The following CHM variants were observed in gnomAD, a reference collection of about 807,000 sequenced individuals.
CHM encodes CHM Rab escort protein.
CHM carries 10 observed loss-of-function variants against 49.0 expected under a neutral mutation model. The ratio of observed to expected loss-of-function variants is 0.20; its 90% CI spans 0.13 to 0.35. The LOEUF (loss-of-function observed/expected upper bound fraction) is 0.35. Among genes scored for constraint, CHM ranks in the 10% least tolerant of loss-of-function variants. The pLI is 1.00. For missense variants in CHM, 455 were observed against 478.4 expected (o/e 0.95, Z 0.46); for synonymous variants, 184 against 167.5 (o/e 1.10, Z -0.76).
At chrX:86,025,312 CTT>C (rs1000243508) in intron 2 of CHM, among the ~76,000 whole-genome samples, 1 of 111,596 alleles carries the variant, frequency 9.0e-6, no homozygotes, top group Non-Finnish European at 1.9e-5. Flanking sequence ...TTTAATCAAA[CTT>C]TATTTTTGGA....
rs1385157992 is a variant in CHM at position 85,891,341 on chromosome X, CT to C, written c.1510+2846del. Among the ~76,000 whole-genome samples, 4 of 112,037 alleles carry C rather than the reference CT, an allele frequency of 3.6e-5. No homozygotes were observed. The East Asian group carries it at 1.1e-3, about 32-fold the overall frequency. On this transcript the variant is annotated intron_variant, in intron 12 of 14. Coordinates refer to ENST00000357749, the MANE Select transcript of CHM (RefSeq NM_000390.4). ...AATGTCTCCAGGCCACGTCAGAGAC[CT>C]TCACTGCAGCCTCTCTCACCATAGG...
chrX:86,031,490 T>C (rs906753322), intron 1 of CHM, among the ~76,000 whole-genome samples: 4 of 112,160 alleles, frequency 3.6e-5, no homozygotes, highest in African/African-American at 1.3e-4. Context: ...AAAACTGTAG[T>C]CAAAGCAAGG....
chrX:85,973,553 A>G (rs1931086971), intron 4 of CHM, among the ~76,000 whole-genome samples: 1 of 111,108 alleles, frequency 9.0e-6, no homozygotes, highest in Admixed American at 9.6e-5. Context: ...ACTTATATCT[A>G]TTTACTTGCT....
chrX:86,015,216 G>A (rs1325794321), intron 2 of CHM, among the ~76,000 whole-genome samples: 1 of 110,892 alleles, frequency 9.0e-6, no homozygotes, highest in Non-Finnish European at 1.9e-5. Flanking sequence ...TTTTACCCGT[G>A]CTGTCCTTGT....
Position 85,885,770 on chromosome X carries a change from G to C in CHM, c.1511-6707C>G, listed in dbSNP as rs769113538. ...TCATTATTACAGCATCAAGTTTTAG[G>C]GCAAGGGAAGGCACTTGGTTCCACT... On this transcript the variant is annotated intron_variant, in intron 12 of 14. Transcript: ENST00000357749. Among the ~76,000 whole-genome samples, 4 of 110,363 alleles carry C rather than the reference G, an allele frequency of 3.6e-5. No individual in the cohort carries two copies. The East Asian group carries it at 1.1e-3, about 31-fold the overall frequency.
chrX:85,901,093 A>T lies in CHM; in HGVS notation c.1340T>A (p.Val447Glu). Residue 447 changes from valine (V) to glutamate (E), a missense_variant, in exon 10 of 15, where the codon GTG becomes GAG. Coordinates refer to ENST00000357749, the MANE Select transcript of CHM (RefSeq NM_000390.4). Reference sequence around the variant, plus strand: ...GTGGAGGGGGCCTTACCTGTATTGCACACGTGAGCACATGTTCTCAGGAAA... The same window carrying T: ...GTGGAGGGGGCCTTACCTGTATTGCTCACGTGAGCACATGTTCTCAGGAAA... ...SYFPENMCSR[V>E]QYRQISRAVL... 8.4e-7 allele frequency: 1 copy of T among 1,195,752 alleles called. No individual in the cohort carries two copies. Among genetic ancestry groups the T allele is most frequent in the Non-Finnish European group, 1.1e-6 (1 of 882,737 alleles).
intron 2 of CHM, among the ~76,000 whole-genome samples, chrX:86,004,806 T>C (rs919224590): frequency 5.4e-5 from 6 of 111,001 alleles, no homozygotes; most frequent in African/African-American, 2.0e-4. Context: ...TCCCACACAA[T>C]AATAATGGGA....
At chrX:85,908,257 C>T (rs1603246960) in intron 9 of CHM, among the ~76,000 whole-genome samples, 1 of 111,406 alleles carries the variant, frequency 9.0e-6, no homozygotes. Context: ...AAGGTTTTTC[C>T]CTCAAAAAAC....
chrX:85,878,717 T>C (rs1924569397), intron 13 of CHM, among the ~76,000 whole-genome samples: 1 of 111,481 alleles, frequency 9.0e-6, no homozygotes, highest in South Asian at 3.7e-4. Flanking sequence ...CATATAAATG[T>C]ATATTTTTGT....
At chrX:86,003,336 A>G (rs922349586) in intron 2 of CHM, among the ~76,000 whole-genome samples, 16 of 112,467 alleles carry the variant, frequency 1.4e-4, no homozygotes, top group African/African-American at 5.2e-4. Context: ...AATTCTAAAA[A>G]TAACAGTGCC....
At chrX:85,885,967 T>G (rs919024444) in intron 12 of CHM, among the ~76,000 whole-genome samples, 2 of 111,755 alleles carry the variant, frequency 1.8e-5, no homozygotes, top group Non-Finnish European at 3.8e-5. Flanking sequence ...CATTTAAAAT[T>G]TATTCTTCTT....
intron 2 of CHM, among the ~76,000 whole-genome samples, chrX:86,020,773 T>C (rs1387699173): frequency 1.9e-5 from 2 of 103,475 alleles, no homozygotes; most frequent in African/African-American, 6.9e-5. Flanking sequence ...TTCATTCACC[T>C]GTAGCGGCAG....
chrX:85,868,483 C>T (rs975945012), intron 14 of CHM, among the ~76,000 whole-genome samples: 1 of 111,644 alleles, frequency 9.0e-6, no homozygotes, highest in African/African-American at 3.3e-5. Flanking sequence ...CTCATACTTC[C>T]GTTCCCCTAA....
intron 2 of CHM, among the ~76,000 whole-genome samples, chrX:86,000,560 C>T (rs1932665997): frequency 9.8e-6 from 1 of 102,503 alleles, no homozygotes; most frequent in Non-Finnish European, 2.0e-5. Flanking sequence ...CAAAGAACTG[C>T]AGCACTACTC....
At chrX:86,047,329 A>G in intron 1 of CHM, 155 bp downstream of exon 1, 1 of 534,017 alleles carries the variant, frequency 1.9e-6, no homozygotes, top group South Asian at 2.5e-5. Flanking sequence ...TGTAACTGCC[A>G]ACTCCCGCGC....
At chrX:85,949,283 A>AT (rs1929595755) in intron 8 of CHM, among the ~76,000 whole-genome samples, 1 of 112,423 alleles carries the variant, frequency 8.9e-6, no homozygotes, top group African/African-American at 3.2e-5. Context: ...CAAAAGAAAT[A>AT]AAAACAAAAT....
At chrX:85,974,251 T>C (rs1931122926) in intron 4 of CHM, among the ~76,000 whole-genome samples, 1 of 111,936 alleles carries the variant, frequency 8.9e-6, no homozygotes, top group African/African-American at 3.2e-5. Flanking sequence ...AAATCAAAGA[T>C]GAGCTTCATA....
At position 86,047,533 on chromosome X, in the gene CHM, C is replaced by T; in HGVS notation, c.-1G>A. 3 of 1,203,616 alleles carry T rather than the reference C, an allele frequency of 2.5e-6. No individual in the cohort carries two copies. The highest frequency in any genetic ancestry group is 3.4e-6 in the Non-Finnish European group (3 of 889,936). On this transcript the variant is annotated 5_prime_UTR_variant, in exon 1 of 15. Transcript: ENST00000357749. ...ACTCCGAAGGGAGAGTATCCGCCAT[C>T]TTGACGGGAAACGTGTCATGTGACT...
chrX:86,004,093 G>A (rs979610811), intron 2 of CHM, among the ~76,000 whole-genome samples: 1 of 112,083 alleles, frequency 8.9e-6, no homozygotes, highest in African/African-American at 3.2e-5. Flanking sequence ...CCAGAAGAGA[G>A]TGGGGGCCAA....
Sources: allele counts gnomAD v4.1 joint callset (sites outside exome capture counted in the v4.1 genomes callset), GRCh38; gene constraint gnomAD v4.1.1; transcripts MANE v1.5; gene names NCBI Gene and HGNC (gene_info 2026-07-23, HGNC 2026-07-21).